Variants in PLXNA4 observed in about 807,000 individuals in gnomAD.
The protein encoded by PLXNA4 is plexin A4.
A neutral mutation model predicts 191.8 loss-of-function variants in PLXNA4; 44 were observed. That is an observed-to-expected ratio of 0.23 (90% CI 0.18 to 0.29). The LOEUF is 0.29. Ranked by LOEUF, PLXNA4 falls within the 10% of genes least tolerant of loss-of-function variation. The pLI is 1.00. For synonymous variants in PLXNA4, 1,082 were observed against 1,009.5 expected (o/e 1.07, Z -1.36); for missense variants, 1,800 against 2,488.8 (o/e 0.72, Z 5.89).
At chr7:132,189,604 C>T (rs1035081070) in intron 14 of PLXNA4, among the ~76,000 whole-genome samples, 1 of 152,162 alleles carries the variant, frequency 6.6e-6, no homozygotes, top group Non-Finnish European at 1.5e-5. Flanking sequence ...TGCCCCAAGT[C>T]CTGGGGAAAG....
intron 3 of PLXNA4, among the ~76,000 whole-genome samples, chr7:132,457,299 T>G (rs1796349574): frequency 6.6e-6 from 1 of 152,232 alleles, no homozygotes; most frequent in Non-Finnish European, 1.5e-5. Context: ...CACACTGCAC[T>G]GATATTTTTC....
intron 3 of PLXNA4, among the ~76,000 whole-genome samples, chr7:132,445,414 C>T (rs1795868276): frequency 6.6e-6 from 1 of 151,600 alleles, no homozygotes; most frequent in South Asian, 2.1e-4. Context: ...GGCATCCACT[C>T]ATCTGACCAT....
rs1797175632 is a variant in PLXNA4, at chr7:132,194,085, A to C, written c.2833T>G (p.Ser945Ala). 3.1e-6 allele frequency: 5 copies of C among 1,613,922 alleles called. No homozygotes were observed. The African/African-American group carries it at 5.3e-5, about 17-fold the overall frequency. Residue 945 changes from serine (S) to alanine (A), a missense_variant, in exon 14 of 32, where the codon TCC becomes GCC. Transcript: ENST00000321063. Reference protein sequence around the residue: ...AVCRPEFMARSSQLYYFMTLT... With the variant: ...AVCRPEFMARASQLYYFMTLT... ...ACCATGAAGTAATAGAGCTGTGAGG[A>C]CCGGGCCATGAATTCAGGCCGACAC...
intron 29 of PLXNA4, among the ~76,000 whole-genome samples, chr7:132,141,398 C>T (rs1436857992): frequency 6.6e-6 from 1 of 152,156 alleles, no homozygotes; most frequent in African/African-American, 2.4e-5. Flanking sequence ...CCACATTCAC[C>T]CACCTCATGG....
chr7:132,216,017 T>C (rs767378581), intron 9 of PLXNA4, among the ~76,000 whole-genome samples: 6 of 152,200 alleles, frequency 3.9e-5, no homozygotes, highest in Non-Finnish European at 8.8e-5. Context: ...GGGTCAGAAC[T>C]GCAGGTGACA....
At chr7:132,561,913 T>TATCCTCCTCCTCATCCTCCTC (rs1466726488) in intron 1 of PLXNA4, among the ~76,000 whole-genome samples, 69 of 83,340 alleles carry the variant, frequency 8.3e-4, no homozygotes, top group African/African-American at 3.0e-3. Context: ...TTCTCCTCCT[T>TATCCTCCTCCTCATCCTCCTC]ATCCTCCTCC....
At chr7:132,414,507 C>T (rs994461098) in intron 3 of PLXNA4, among the ~76,000 whole-genome samples, 3 of 151,952 alleles carry the variant, frequency 2.0e-5, no homozygotes, top group South Asian at 2.1e-4. Flanking sequence ...GAGAGGTGAC[C>T]GAGATGGTAG....
chr7:132,340,708 G>C lies in PLXNA4; in HGVS notation c.1372-42486C>G, dbSNP rs150050760. Among the ~76,000 whole-genome samples the C allele has an allele frequency of 1.4e-3, 219 of 152,312 alleles. 2 individuals carry two copies. The highest frequency in any genetic ancestry group is 5.1e-3 in the African/African-American group (214 of 41,576). On this transcript the variant is annotated intron_variant, in intron 3 of 31. Transcript: ENST00000321063. ...GCAAGTCCAGTTTTCTGCCTAGGTT[G>C]TTTCTCATGCCCAGGCTAGAGTGCA... is the stretch of plus-strand genomic sequence containing the variant.
At chr7:132,145,353 C>G in intron 28 of PLXNA4, 65 bp from the exon 29 acceptor site, 1 of 1,602,332 alleles carries the variant, frequency 6.2e-7, no homozygotes, top group South Asian at 1.1e-5. Flanking sequence ...GCTTTTAAAA[C>G]CTGCCTCACA....
At chr7:132,566,701 C>T (rs1197771796) in intron 1 of PLXNA4, among the ~76,000 whole-genome samples, 1 of 152,240 alleles carries the variant, frequency 6.6e-6, no homozygotes, top group Non-Finnish European at 1.5e-5. Flanking sequence ...AAAAGTGCCA[C>T]TTGTGGGAAA....
intron 1 of PLXNA4, among the ~76,000 whole-genome samples, chr7:132,509,531 G>T (rs1289747075): frequency 1.3e-5 from 2 of 152,190 alleles, no homozygotes; most frequent in African/African-American, 2.4e-5. Flanking sequence ...CAAGCTTAGG[G>T]AAGTCATGTA....
intron 21 of PLXNA4, among the ~76,000 whole-genome samples, chr7:132,172,817 G>A (rs1385488520): frequency 6.6e-6 from 1 of 151,708 alleles, no homozygotes; most frequent in African/African-American, 2.4e-5. Flanking sequence ...ACTTAGATTT[G>A]GAATTTTGAA....
intron 3 of PLXNA4, among the ~76,000 whole-genome samples, chr7:132,339,780 G>A (rs549009448): frequency 1.2e-4 from 19 of 152,260 alleles, no homozygotes; most frequent in Admixed American, 6.5e-4. Context: ...TTTAGGTGCC[G>A]AGTGACCTAG....
intron 4 of PLXNA4, among the ~76,000 whole-genome samples, chr7:132,244,695 A>G (rs1167976175): frequency 6.6e-6 from 1 of 152,208 alleles, no homozygotes; most frequent in East Asian, 1.9e-4. Flanking sequence ...ATCAGGCAAT[A>G]GTCTCCAGCA....
At chr7:132,458,209 G>C (rs1364718491) in intron 3 of PLXNA4, among the ~76,000 whole-genome samples, 4 of 151,814 alleles carry the variant, frequency 2.6e-5, no homozygotes, top group African/African-American at 9.7e-5. Context: ...ATATTAACCA[G>C]CCTACTAGAA....
intron 3 of PLXNA4, among the ~76,000 whole-genome samples, chr7:132,387,924 G>C (rs115716893): frequency 2.0e-5 from 3 of 152,140 alleles, no homozygotes; most frequent in African/African-American, 4.8e-5. Context: ...CTCCAGCATA[G>C]AGCCAGAGAG....
At chr7:132,622,743 ATGC>A (rs1224708669) in intron 2 of PLXNA4, among the ~76,000 whole-genome samples, 4 of 152,146 alleles carry the variant, frequency 2.6e-5, no homozygotes, top group Non-Finnish European at 5.9e-5. Context: ...GAGAGTCTAG[ATGC>A]TGCAGAATTG....
Position 132,508,735 on chromosome 7 carries a change from G to A in PLXNA4, c.-42C>T. On this transcript the variant is annotated 5_prime_UTR_variant, in exon 2 of 32. Transcript: ENST00000321063. The surrounding 1 kb of genome is among the most constrained non-coding windows in gnomAD (Gnocchi z 4.4). The stretch of plus-strand genomic sequence containing the variant: ...AGTGGCACAGCAGCACTCAGGCACA[G>A]TCGTCCCCTCAGAGGGCCAGGACTC... 4.1e-6 allele frequency: 6 copies of A among 1,465,916 alleles called. No homozygotes were observed. The highest frequency in any genetic ancestry group is 3.6e-6 in the Non-Finnish European group (4 of 1,112,498). The allele number at this position is 1,465,916 out of a possible 1,614,324, so 90.8% of individuals were successfully genotyped here.
chr7:132,164,156 C>T lies in PLXNA4; in HGVS notation c.4486G>A (p.Asp1496Asn). 1.9e-6 allele frequency: 3 copies of T among 1,614,056 alleles called. No homozygotes were observed. The highest frequency in any genetic ancestry group is 2.5e-6 in the Non-Finnish European group (3 of 1,180,050). ...SEDKLIRQQI[D>N]YKTLVLSCVS... ...GGTGGGCTCACCAGGGTTTTGTAGT[C>T]AATCTGCTGGCGGATGAGCTTGTCC... is the stretch of plus-strand genomic sequence containing the variant. Residue 1496 changes from aspartate (D) to asparagine (N), a missense_variant, in exon 24 of 32, where the codon GAC becomes AAC. Physicochemically the swap from Asp to Asn is conservative, Grantham distance 23 (BLOSUM62 1). Transcript: ENST00000321063.
Sources: allele counts gnomAD v4.1 joint callset (sites outside exome capture counted in the v4.1 genomes callset), GRCh38; gene constraint gnomAD v4.1.1; non-coding constraint Gnocchi (gnomAD v3.1); transcripts MANE v1.5; gene names NCBI Gene and HGNC (gene_info 2026-07-23, HGNC 2026-07-21).